Variants in EIF2AK3 observed in about 807,000 individuals in gnomAD.
EIF2AK3 encodes eukaryotic translation initiation factor 2-alpha kinase 3.
In EIF2AK3, 50 loss-of-function variants were observed where a neutral mutation model predicts 113.5. The ratio of observed to expected loss-of-function variants is 0.44; its 90% CI spans 0.35 to 0.56. The LOEUF is 0.56. EIF2AK3 is among the 20% of genes least tolerant of loss of function. The pLI, the probability that EIF2AK3 is intolerant of heterozygous loss-of-function variation, is 0.00. For synonymous variants in EIF2AK3, 448 were observed against 495.4 expected, an observed-to-expected ratio of 0.90 and a Z score of 1.27; for missense variants, 1,185 against 1,378.0, an observed-to-expected ratio of 0.86 and a Z score of 2.22.
intron 11 of EIF2AK3, among the ~76,000 whole-genome samples, chr2:88,577,227 C>T (rs955217394): frequency 6.6e-6 from 1 of 152,114 alleles, no homozygotes; most frequent in Non-Finnish European, 1.5e-5. Flanking sequence ...AGGTGATCCA[C>T]CTGCCTTGGC....
In EIF2AK3 at chr2:88,576,822, A is replaced by T. The variant is rs1169701355; in HGVS notation, c.1887-119T>A. 6.4e-6 allele frequency: 7 copies of T among 1,088,982 alleles called. No homozygotes were observed. In the East Asian group the frequency reaches 1.6e-4, roughly 24 times the overall value. The allele number at this position is 1,088,982 out of a possible 1,614,324, so 67.5% of individuals were successfully genotyped here. A position where few individuals can be genotyped will look rare whatever the true frequency, so the allele number is the denominator to read the frequency against. On this transcript the variant is annotated intron_variant, in intron 11 of 16. Transcript: ENST00000303236. ...ATGTATTATATACCAATAAAAAAGG[A>T]AAATTAAAGAAATAAAATTAGCCTG...
chr2:88,619,160 T>C (rs1261647963), intron 1 of EIF2AK3, among the ~76,000 whole-genome samples: 1 of 152,126 alleles, frequency 6.6e-6, no homozygotes, highest in African/African-American at 2.4e-5. Flanking sequence ...CAGCTAATTT[T>C]TGTATTTTTT....
chr2:88,557,808 G>A lies in EIF2AK3; in HGVS notation c.3279C>T (p.Arg1093=), dbSNP rs530708954. The A allele has an allele frequency of 2.5e-6, 4 of 1,614,148 alleles. No homozygotes were observed. Among genetic ancestry groups the A allele is most frequent in the Non-Finnish European group, 3.4e-6 (4 of 1,180,014 alleles). Residue 1093 remains arginine (R), a synonymous_variant, in exon 17 of 17, where the codon CGC becomes CGT. Transcript: ENST00000303236. ...GTTTTGTTCCCGATGAACTCAAGGA[G>A]CGAGACCTCTGTCTGAGCACTGTTT... is the stretch of plus-strand genomic sequence containing the variant. ...PGKTVLRQRS[R]SLSSSGTKHS... is the part of the protein sequence containing the mutation.
intron 4 of EIF2AK3, 48 bp downstream of exon 4, chr2:88,593,224 A>G: frequency 6.2e-7 from 1 of 1,609,330 alleles, no homozygotes; most frequent in East Asian, 2.2e-5. Flanking sequence ...TTTTGGTATT[A>G]GGTGTATTTC....
In EIF2AK3 at chr2:88,558,983, A is replaced by C. The variant is rs747716914; in HGVS notation, c.3088-4T>G. The stretch of plus-strand genomic sequence containing the variant: ...GATTTCTTACATCAGTTAAGGTCTA[A>C]AAAGAAAAAAAGTATCACTTATTAA... On this transcript the variant is annotated splice_region_variant and splice_polypyrimidine_tract_variant and intron_variant, in intron 15 of 16. Transcript: ENST00000303236. 12 of 1,555,378 alleles carry C rather than the reference A, an allele frequency of 7.7e-6. No homozygotes were observed. The highest frequency in any genetic ancestry group is 8.0e-6 in the Non-Finnish European group (9 of 1,129,186).
At chr2:88,596,610 G>A (rs1022063005) in intron 2 of EIF2AK3, among the ~76,000 whole-genome samples, 2 of 152,024 alleles carry the variant, frequency 1.3e-5, no homozygotes, top group Admixed American at 1.3e-4. Flanking sequence ...AGTTAACCAC[G>A]CCAGGCCAGG....
chr2:88,587,658 G>A (rs78245023), intron 8 of EIF2AK3, among the ~76,000 whole-genome samples: 1,829 of 152,272 alleles, frequency 0.012, 39 homozygotes, highest in African/African-American at 0.041. Flanking sequence ...TATGTGCCAC[G>A]TATGATGTTA....
chr2:88,557,736 C>T lies in EIF2AK3; in HGVS notation c.3351G>A (p.Ter1117=). Reference sequence around the variant, plus strand: ...TTAGGGTTGCTAGCACAACTTAAGGCTAATTGCTTGGCAAAGGGCTATGGG... The same window carrying T: ...TTAGGGTTGCTAGCACAACTTAAGGTTAATTGCTTGGCAAAGGGCTATGGG... ...NNSHSPLPSN[*] The change falls in exon 17 of 17, where the codon TAG becomes TAA. Residue 1117 remains the stop codon, a stop_retained_variant. Transcript: ENST00000303236. 1 of 1,614,086 alleles carries T rather than the reference C, an allele frequency of 6.2e-7. No homozygotes were observed. The highest frequency in any genetic ancestry group is 8.5e-7 in the Non-Finnish European group (1 of 1,179,934).
At chr2:88,567,254 T>G (rs907543232) in intron 14 of EIF2AK3, among the ~76,000 whole-genome samples, 2 of 152,162 alleles carry the variant, frequency 1.3e-5, no homozygotes. Context: ...AGTTTCCCTT[T>G]CATGGGGATA....
At chr2:88,622,297 T>A (rs1180684673) in intron 1 of EIF2AK3, among the ~76,000 whole-genome samples, 13 of 152,148 alleles carry the variant, frequency 8.5e-5, no homozygotes, top group Admixed American at 8.5e-4. Context: ...AACTTACAAG[T>A]TTTCTCCTTT....
intron 13 of EIF2AK3, among the ~76,000 whole-genome samples, chr2:88,573,224 ACTTT>A (rs768677701): frequency 1.1e-4 from 17 of 152,114 alleles, no homozygotes; most frequent in Non-Finnish European, 1.9e-4. Flanking sequence ...AGGAATATTA[ACTTT>A]CTTCTTGCAA....
intron 9 of EIF2AK3, among the ~76,000 whole-genome samples, chr2:88,584,449 G>A (rs558877935): frequency 1.0e-4 from 15 of 150,554 alleles, no homozygotes; most frequent in South Asian, 2.1e-4. Context: ...CCCAGGAGGC[G>A]GAGGTTGCAG....
chr2:88,626,839 T>G, intron 1 of EIF2AK3, 128 bp downstream of exon 1: 1 of 1,282,466 alleles, frequency 7.8e-7, no homozygotes, highest in Non-Finnish European at 1.1e-6. Flanking sequence ...CGTCCCCAGG[T>G]CGCCAGCTGC....
Position 88,557,808 on chromosome 2 carries a change from G to C in EIF2AK3, c.3279C>G (p.Arg1093=). Residue 1093 remains arginine (R), a synonymous_variant, in exon 17 of 17, where the codon CGC becomes CGG. Transcript: ENST00000303236. ...PGKTVLRQRS[R]SLSSSGTKHS... ...GTTTTGTTCCCGATGAACTCAAGGA[G>C]CGAGACCTCTGTCTGAGCACTGTTT... is the stretch of plus-strand genomic sequence containing the variant. 6.2e-7 allele frequency: 1 copy of C among 1,614,148 alleles called. No homozygotes were observed. Among genetic ancestry groups the C allele is most frequent in the South Asian group, 1.1e-5 (1 of 91,086 alleles).
intron 1 of EIF2AK3, among the ~76,000 whole-genome samples, chr2:88,618,291 A>C (rs1675636194): frequency 6.6e-6 from 1 of 152,222 alleles, no homozygotes; most frequent in South Asian, 2.1e-4. Flanking sequence ...CCCTATTTTG[A>C]GGGTTCCAAG....
In EIF2AK3 at chr2:88,585,846, G is replaced by A. The variant is rs766554136; in HGVS notation, c.1645C>T (p.His549Tyr). 8 of 1,613,482 alleles carry A rather than the reference G, an allele frequency of 5.0e-6. No homozygotes were observed. Among genetic ancestry groups the A allele is most frequent in the South Asian group, 2.2e-5 (2 of 91,064 alleles). Residue 549 changes from histidine (H) to tyrosine (Y), a missense_variant, in exon 9 of 17, where the codon CAC becomes TAC. His to Tyr is a moderately conservative substitution (Grantham distance 83). Transcript: ENST00000303236. Reference protein sequence around the residue: ...IVRRLFHPHPHRQRKESETQC... With the variant: ...IVRRLFHPHPYRQRKESETQC... ...TAAGCAACCATGATTCTTACCCTGT[G>A]AGGATGAGGATGGAAAAGCCTGCGC...
chr2:88,590,787 C>A, intron 5 of EIF2AK3, 31 bp downstream of exon 5: 1 of 1,610,132 alleles, frequency 6.2e-7, no homozygotes, highest in South Asian at 1.1e-5. Context: ...GAGGAAGAAC[C>A]GTATTTTAAA....
At chr2:88,598,557 A>G (rs1025071527) in intron 2 of EIF2AK3, among the ~76,000 whole-genome samples, 2 of 152,126 alleles carry the variant, frequency 1.3e-5, no homozygotes, top group African/African-American at 4.8e-5. Flanking sequence ...GGAAAATTCC[A>G]TTTTAAAAAT....
chr2:88,598,608 A>G (rs548053517), intron 2 of EIF2AK3, among the ~76,000 whole-genome samples: 1 of 152,230 alleles, frequency 6.6e-6, no homozygotes, highest in East Asian at 1.9e-4. Context: ...AATGTCAGAT[A>G]AAGAAAGGGC....
Sources: allele counts gnomAD v4.1 joint callset (sites outside exome capture counted in the v4.1 genomes callset), GRCh38; gene constraint gnomAD v4.1.1; transcripts MANE v1.5; gene names NCBI Gene and HGNC (gene_info 2026-07-23, HGNC 2026-07-21).